Variants in SHLD1 observed in about 807,000 individuals in gnomAD.
SHLD1 encodes the protein shieldin complex subunit 1, also known as RINN1-REV7-interacting novel NHEJ regulator 3.
In SHLD1, 3 loss-of-function variants were observed where a neutral mutation model predicts 5.5. The ratio of observed to expected loss-of-function variants is 0.54; its 90% CI spans 0.25 to 1.40. The LOEUF (loss-of-function observed/expected upper bound fraction) is 1.40. SHLD1 is among the 40% of genes most tolerant of loss of function. SHLD1 has a pLI of 0.15. For synonymous variants in SHLD1, 92 were observed against 94.3 expected, an observed-to-expected ratio of 0.98 and a Z score of 0.14; for missense variants, 210 against 244.4, an observed-to-expected ratio of 0.86 and a Z score of 0.94.
At chr20:5,807,923 A>G (rs1278397782) in intron 2 of SHLD1, among the ~76,000 whole-genome samples, 1 of 152,188 alleles carries the variant, frequency 6.6e-6, no homozygotes, top group Non-Finnish European at 1.5e-5. Flanking sequence ...TTTTAATGAT[A>G]AAGCACTAAT....
At chr20:5,825,718 G>A (rs2087658115) in intron 2 of SHLD1, among the ~76,000 whole-genome samples, 3 of 152,224 alleles carry the variant, frequency 2.0e-5, no homozygotes, top group Admixed American at 2.0e-4. Context: ...TCCTGCCTGG[G>A]TGACAGAGCA....
intron 1 of SHLD1, among the ~76,000 whole-genome samples, chr20:5,754,250 A>G (rs55657672): frequency 0.052 from 7,879 of 152,106 alleles, 681 homozygotes; most frequent in African/African-American, 0.18. Context: ...AGCTAGGACT[A>G]CAGGCAGGCA....
chr20:5,807,955 C>T (rs142484623), intron 2 of SHLD1, among the ~76,000 whole-genome samples: 1 of 152,110 alleles, frequency 6.6e-6, no homozygotes, highest in African/African-American at 2.4e-5. Context: ...TTTAAAAAAT[C>T]GTTATAAAAA....
intron 2 of SHLD1, among the ~76,000 whole-genome samples, chr20:5,837,632 A>G (rs2087806172): frequency 6.6e-6 from 1 of 152,180 alleles, no homozygotes; most frequent in African/African-American, 2.4e-5. Flanking sequence ...ATGTCCCTGC[A>G]AAGGACATGA....
At chr20:5,793,796 G>T (rs8122146) in intron 2 of SHLD1, among the ~76,000 whole-genome samples, 1 of 151,688 alleles carries the variant, frequency 6.6e-6, no homozygotes, top group South Asian at 2.1e-4. Flanking sequence ...TTCAACCTTC[G>T]TCCCTGGTTC....
intron 1 of SHLD1, among the ~76,000 whole-genome samples, chr20:5,769,237 T>C (rs957322885): frequency 3.9e-5 from 6 of 152,214 alleles, no homozygotes; most frequent in African/African-American, 1.2e-4. Context: ...CCTTGAGTTA[T>C]GGTGCTGTGT....
At chr20:5,826,477 G>T (rs1396778721) in intron 2 of SHLD1, among the ~76,000 whole-genome samples, 1 of 151,458 alleles carries the variant, frequency 6.6e-6, no homozygotes, top group African/African-American at 2.4e-5. Context: ...ATTATGCATT[G>T]TCATTGAGGC....
chr20:5,814,127 A>AT (rs111907539), intron 2 of SHLD1, among the ~76,000 whole-genome samples: 45 of 148,622 alleles, frequency 3.0e-4, no homozygotes, highest in African/African-American at 7.6e-4. Flanking sequence ...TAATTTTTGT[A>AT]TTTTTTTTTG....
At chr20:5,792,041 T>A (rs1030314112) in intron 2 of SHLD1, among the ~76,000 whole-genome samples, 2 of 152,240 alleles carry the variant, frequency 1.3e-5, no homozygotes, top group Admixed American at 1.3e-4. Context: ...TGCCTATTTT[T>A]AAAATTGGGT....
intron 2 of SHLD1, among the ~76,000 whole-genome samples, chr20:5,833,508 A>G (rs970034510): frequency 2.0e-5 from 3 of 152,040 alleles, no homozygotes; most frequent in African/African-American, 4.8e-5. Context: ...GTTGAGGGCA[A>G]TGTGACATTT....
chr20:5,806,434 TTTCCTGTA>T lies in SHLD1; in HGVS notation c.178+33394_178+33401del, dbSNP rs2087376631. 6.6e-6 allele frequency among the ~76,000 whole-genome samples: 1 copy of T among 152,246 alleles called. No individual in the cohort carries two copies. Among genetic ancestry groups the T allele is most frequent in the African/African-American group, 2.4e-5 (1 of 41,454 alleles). On this transcript the variant is annotated intron_variant, in intron 2 of 2. Coordinates refer to ENST00000303142, the MANE Select transcript of SHLD1 (RefSeq NM_152504.4). The surrounding 1 kb of genome is among the most constrained non-coding windows in gnomAD (Gnocchi z 7.6). ...GTGATGGTTTTGAAGCACTGATCAT[TTTCCTGTA>T]TTACTGTGGGGAAGTGGATTATCTG...
intron 2 of SHLD1, among the ~76,000 whole-genome samples, chr20:5,786,379 C>T (rs978759764): frequency 1.3e-5 from 2 of 152,130 alleles, no homozygotes; most frequent in African/African-American, 4.8e-5. Context: ...GAGTTCGAGA[C>T]CAGCCTGGCC....
intron 2 of SHLD1, among the ~76,000 whole-genome samples, chr20:5,839,455 A>C (rs2087828335): frequency 6.6e-6 from 1 of 151,672 alleles, no homozygotes; most frequent in Non-Finnish European, 1.5e-5. Flanking sequence ...TGGGTAAATG[A>C]AGAGATGGAT....
intron 1 of SHLD1, among the ~76,000 whole-genome samples, chr20:5,763,768 G>A (rs1984611406): frequency 6.6e-6 from 1 of 151,870 alleles, no homozygotes; most frequent in South Asian, 2.1e-4. Flanking sequence ...AACTGATTGA[G>A]ACCTGTCTCA....
intron 2 of SHLD1, among the ~76,000 whole-genome samples, chr20:5,795,616 A>G (rs1600130285): frequency 6.6e-6 from 1 of 151,238 alleles, no homozygotes; most frequent in African/African-American, 2.4e-5. Flanking sequence ...AAAAAAAAAA[A>G]AAAAAAAATC....
chr20:5,845,146 A>T (rs1360219490), intron 2 of SHLD1, among the ~76,000 whole-genome samples: 5 of 152,176 alleles, frequency 3.3e-5, no homozygotes, highest in Non-Finnish European at 5.9e-5. Context: ...AAAATCCCAG[A>T]CGTTAAAGAA....
intron 2 of SHLD1, among the ~76,000 whole-genome samples, chr20:5,810,359 T>G (rs2087441812): frequency 6.6e-6 from 1 of 152,072 alleles, no homozygotes; most frequent in African/African-American, 2.4e-5. Context: ...TTAGGCTAGG[T>G]GGCAATTAGG....
chr20:5,807,119 G>A (rs1353295608), intron 2 of SHLD1, among the ~76,000 whole-genome samples: 2 of 152,094 alleles, frequency 1.3e-5, no homozygotes, highest in Non-Finnish European at 2.9e-5. Context: ...GCTGGGCTGA[G>A]GGCAGCTCTT....
chr20:5,852,748 C>T (rs763482490), intron 2 of SHLD1, among the ~76,000 whole-genome samples: 27 of 152,320 alleles, frequency 1.8e-4, no homozygotes, highest in Admixed American at 3.9e-4. Flanking sequence ...CTGCATCTGG[C>T]CTCAAATCAC....
Sources: gnomAD v4.1 joint callset for allele counts (sites outside exome capture counted in the v4.1 genomes callset) on GRCh38, gnomAD v4.1.1 for gene constraint, Gnocchi (gnomAD v3.1) non-coding constraint, MANE v1.5 for transcripts, NCBI Gene and HGNC (gene_info 2026-07-23, HGNC 2026-07-21) for gene names.